PDE3B: variants seen among roughly 807,000 people sequenced by gnomAD.
PDE3B encodes the protein phosphodiesterase 3B.
A neutral mutation model predicts 116.8 loss-of-function variants in PDE3B; 66 were observed. The observed-to-expected ratio is 0.56, with a 90% confidence interval of 0.46 to 0.69. The LOEUF is 0.69. PDE3B is among the 30% of genes least tolerant of loss of function. The probability of loss-of-function intolerance (pLI) is 0.00; values close to 1 mark genes in which losing one functional copy is unlikely to be tolerated. For synonymous variants in PDE3B, 595 were observed against 533.6 expected (o/e 1.12, Z -1.59); for missense variants, 1,384 against 1,368.1 (o/e 1.01, Z -0.18).
At position 14,851,532 on chromosome 11, in the gene PDE3B, G is replaced by GTT. The variant is rs1424407139; in HGVS notation, c.2520+7507_2520+7508insTT. Among the ~76,000 whole-genome samples, 392 of 151,854 alleles carry GTT rather than the reference G, an allele frequency of 2.6e-3. 1 individual carries two copies. The highest frequency in any genetic ancestry group is 8.9e-3 in the African/African-American group (370 of 41,348). On this transcript the variant is annotated intron_variant, in intron 12 of 15. Coordinates refer to ENST00000282096, the MANE Select transcript of PDE3B (RefSeq NM_000922.4). ...GGGGTGTGTGTGTGTGTGTGTGTGTGTGTTAATGGGTTAAAAGGGCCATGT... is the reference window on the plus strand; with the variant it reads ...GGGGTGTGTGTGTGTGTGTGTGTGTGTTTGTTAATGGGTTAAAAGGGCCATGT...
At chr11:14,673,974 A>G in intron 1 of PDE3B, 1 of 1,359,818 alleles carries the variant, frequency 7.4e-7, no homozygotes, top group Non-Finnish European at 1.1e-6. Flanking sequence ...GTAATCCTCA[A>G]GAATGGAATC....
At chr11:14,710,979 C>A (rs1855684584) in intron 1 of PDE3B, among the ~76,000 whole-genome samples, 1 of 152,066 alleles carries the variant, frequency 6.6e-6, no homozygotes, top group South Asian at 2.1e-4. Flanking sequence ...TTGTTAAAGA[C>A]TAGTATATAA....
rs112123599 is a variant in PDE3B at position 14,714,144 on chromosome 11, C to A, written c.979-57793C>A. Among the ~76,000 whole-genome samples, 686 of 152,050 alleles carry A rather than the reference C, an allele frequency of 4.5e-3. 9 individuals are homozygous for A. The highest frequency in any genetic ancestry group is 0.016 in the African/African-American group (669 of 41,458). ...CTGCTTTCTCAGCATTCTGGTTAATCTAACCTGAGATCATTTTTCATTACT... is the reference window on the plus strand; with the variant it reads ...CTGCTTTCTCAGCATTCTGGTTAATATAACCTGAGATCATTTTTCATTACT... On this transcript the variant is annotated intron_variant, in intron 1 of 15. Coordinates refer to ENST00000282096, the MANE Select transcript of PDE3B (RefSeq NM_000922.4).
chr11:14,889,753 T>A, the PDE3B span, among the ~76,000 whole-genome samples: 1 of 152,228 alleles, frequency 6.6e-6, no homozygotes, highest in Non-Finnish European at 1.5e-5. Context: ...TAATTCCTTT[T>A]TCTGTGAGAA....
chr11:14,761,863 C>T (rs2133888145), intron 1 of PDE3B, among the ~76,000 whole-genome samples: 1 of 152,142 alleles, frequency 6.6e-6, no homozygotes, highest in African/African-American at 2.4e-5. Flanking sequence ...AAAAATGGTA[C>T]ATTTTTATTT....
chr11:14,894,364 G>A, the PDE3B span, among the ~76,000 whole-genome samples: 21 of 152,134 alleles, frequency 1.4e-4, no homozygotes, highest in South Asian at 8.3e-4. Context: ...AGGAGCTGAG[G>A]AATATCACCT....
rs1176337069 is a variant in PDE3B, at chr11:14,853,001, GTCTC to G, written c.2521-6034_2521-6031del. 6.0e-5 allele frequency among the ~76,000 whole-genome samples: 9 copies of G among 150,774 alleles called. No individual in the cohort carries two copies. In the East Asian group the frequency reaches 7.8e-4, roughly 13 times the overall value. ...GGCCCTACATTATTGGTCCCATTAA[GTCTC>G]TCTCTCTTTTTTTTTTTTTTTTAAC... is the stretch of plus-strand genomic sequence containing the variant. On this transcript the variant is annotated intron_variant, in intron 12 of 15. Coordinates refer to ENST00000282096, the MANE Select transcript of PDE3B (RefSeq NM_000922.4).
chr11:14,813,703 G>A (rs1021561123), intron 5 of PDE3B, among the ~76,000 whole-genome samples: 1 of 152,084 alleles, frequency 6.6e-6, no homozygotes, highest in African/African-American at 2.4e-5. Context: ...TGATTATTCT[G>A]CTTACCACAG....
intron 1 of PDE3B, among the ~76,000 whole-genome samples, chr11:14,665,653 G>C (rs371770880): frequency 4.6e-5 from 7 of 152,144 alleles, no homozygotes; most frequent in African/African-American, 1.4e-4. Flanking sequence ...AATCATGAGT[G>C]AACTCCCATT....
At chr11:14,725,493 C>T (rs1453047737) in intron 1 of PDE3B, among the ~76,000 whole-genome samples, 2 of 81,486 alleles carry the variant, frequency 2.5e-5, no homozygotes, top group Non-Finnish European at 5.0e-5. Flanking sequence ...CTTTCCCTCC[C>T]CCTCCCCCTT....
At chr11:14,706,734 T>C (rs1363054467) in intron 1 of PDE3B, among the ~76,000 whole-genome samples, 1 of 152,016 alleles carries the variant, frequency 6.6e-6, no homozygotes, top group Non-Finnish European at 1.5e-5. Flanking sequence ...TATTATCAAT[T>C]CATTAGGTGC....
intron 12 of PDE3B, among the ~76,000 whole-genome samples, chr11:14,854,574 G>C (rs566765756): frequency 8.6e-5 from 13 of 151,396 alleles, no homozygotes; most frequent in African/African-American, 2.9e-4. Flanking sequence ...CTGGAGTGCA[G>C]TGGCACGATC....
intron 7 of PDE3B, among the ~76,000 whole-genome samples, chr11:14,828,156 T>C (rs1307662287): frequency 6.6e-6 from 1 of 152,172 alleles, no homozygotes; most frequent in African/African-American, 2.4e-5. Flanking sequence ...TTACACCATA[T>C]ACAAAAATCA....
At chr11:14,674,905 A>G (rs1218148864) in intron 1 of PDE3B, among the ~76,000 whole-genome samples, 1 of 152,218 alleles carries the variant, frequency 6.6e-6, no homozygotes, top group Non-Finnish European at 1.5e-5. Context: ...TACTTTAGGT[A>G]AGGCAGGACT....
Position 14,643,821 on chromosome 11 carries a change from G to T in PDE3B, c.-255G>T. ...GAGTCTCCAGTCCCGAGAGGTGCCC[G>T]AGGGAAAAGGAGGCGGCAGCTAAAC... On this transcript the variant is annotated 5_prime_UTR_variant, in exon 1 of 16. Transcript: ENST00000282096. The T allele has an allele frequency of 2.3e-6, 1 of 442,554 alleles. No individual in the cohort carries two copies. The highest frequency in any genetic ancestry group is 3.9e-6 in the Non-Finnish European group (1 of 256,460). 27.4% of individuals were successfully genotyped at this position (442,554 alleles called of 1,614,324 possible).
chr11:14,735,785 G>A (rs1035530390), intron 1 of PDE3B, among the ~76,000 whole-genome samples: 1 of 152,106 alleles, frequency 6.6e-6, no homozygotes, highest in Non-Finnish European at 1.5e-5. Context: ...AAGGTATGCT[G>A]GCTTTTAGGG....
At chr11:14,709,057 G>C (rs1302735269) in intron 1 of PDE3B, among the ~76,000 whole-genome samples, 1 of 152,000 alleles carries the variant, frequency 6.6e-6, no homozygotes, top group Non-Finnish European at 1.5e-5. Context: ...TCCAATGTTA[G>C]TACAATGATC....
At chr11:14,795,357 A>G (rs1244937464) in intron 4 of PDE3B, among the ~76,000 whole-genome samples, 1 of 152,228 alleles carries the variant, frequency 6.6e-6, no homozygotes, top group Non-Finnish European at 1.5e-5. Flanking sequence ...ATTTCACAAT[A>G]TCACACCAAG....
At chr11:14,658,580 C>A (rs908356648) in intron 1 of PDE3B, among the ~76,000 whole-genome samples, 1 of 152,186 alleles carries the variant, frequency 6.6e-6, no homozygotes, top group Admixed American at 6.5e-5. Context: ...TGGTCTTGAA[C>A]TCTTGACCTC....
Sources: allele counts gnomAD v4.1 joint callset (sites outside exome capture counted in the v4.1 genomes callset), GRCh38; gene constraint gnomAD v4.1.1; transcripts MANE v1.5; gene names NCBI Gene and HGNC (gene_info 2026-07-23, HGNC 2026-07-21).